The following MED14 variants were observed in gnomAD, a reference collection of about 807,000 sequenced individuals.
MED14 encodes the protein mediator of RNA polymerase II transcription subunit 14.
A neutral mutation model predicts 109.0 loss-of-function variants in MED14; 8 were observed. The ratio of observed to expected loss-of-function variants is 0.07; its 90% CI spans 0.04 to 0.13. The LOEUF is 0.13. MED14 is among the 10% of genes least tolerant of loss of function. The pLI is 1.00. For missense variants in MED14, 711 were observed against 1,142.4 expected (o/e 0.62, Z 5.44); for synonymous variants, 399 against 408.7 (o/e 0.98, Z 0.29).
chrX:40,701,622 A>C (rs921531732), intron 11 of MED14, among the ~76,000 whole-genome samples: 1 of 111,804 alleles, frequency 8.9e-6, no homozygotes. Context: ...GAACCTTAAA[A>C]ATCATAAAAA....
At chrX:40,701,673 G>C (rs1930941993) in intron 11 of MED14, among the ~76,000 whole-genome samples, 1 of 111,570 alleles carries the variant, frequency 9.0e-6, no homozygotes. Flanking sequence ...AAACACAAAT[G>C]ATCTCTGGCA....
intron 26 of MED14, among the ~76,000 whole-genome samples, chrX:40,662,603 T>C (rs1421938278): frequency 1.8e-5 from 2 of 111,948 alleles, no homozygotes. Flanking sequence ...ATTACTGGTA[T>C]GCTATTCTCT....
At chrX:40,725,155 A>G (rs765630413) in intron 3 of MED14, among the ~76,000 whole-genome samples, 22 of 111,845 alleles carry the variant, frequency 2.0e-4, no homozygotes, top group African/African-American at 6.8e-4. Flanking sequence ...AGTAACAAGA[A>G]TGGAGCTATA....
In MED14 at chrX:40,735,516, G is replaced by A. The variant is rs976708358; in HGVS notation, c.-104C>T. On this transcript the variant is annotated 5_prime_UTR_variant, in exon 1 of 31. Coordinates refer to ENST00000324817, the MANE Select transcript of MED14 (RefSeq NM_004229.4). ...AACGGGAGCGGGCAGAGTCGCCACC[G>A]CCTACCGCCGGGCCGCCTCAGAACA... 3 of 782,504 alleles carry A rather than the reference G, an allele frequency of 3.8e-6. No individual in the cohort carries two copies. In the African/African-American group the frequency reaches 6.2e-5, roughly 16 times the overall value. 64.5% of individuals were successfully genotyped at this position (782,504 alleles called of 1,213,427 possible).
At chrX:40,667,984 G>A (rs1929567383) in intron 23 of MED14, among the ~76,000 whole-genome samples, 2 of 111,835 alleles carry the variant, frequency 1.8e-5, no homozygotes, top group South Asian at 7.5e-4. Context: ...GTGGGAAGAG[G>A]AGCACTGGGG....
chrX:40,693,983 C>T (rs1331292869), intron 13 of MED14, among the ~76,000 whole-genome samples: 1 of 110,973 alleles, frequency 9.0e-6, no homozygotes, highest in Non-Finnish European at 1.9e-5. Context: ...CTGCAACCTC[C>T]GCCTCCCAGG....
At chrX:40,711,355 C>A in intron 7 of MED14, 54 bp from the exon 8 acceptor site, 1 of 976,179 alleles carries the variant, frequency 1.0e-6, no homozygotes, top group South Asian at 2.9e-5. Flanking sequence ...TCAATCAAGT[C>A]CAGGAGAACT....
chrX:40,732,518 CA>C (rs367874034), intron 1 of MED14, among the ~76,000 whole-genome samples: 88 of 91,713 alleles, frequency 9.6e-4, no homozygotes, highest in East Asian at 2.0e-3. Context: ...GACTCTGTCT[CA>C]AAAAAAAAAA....
In MED14 at chrX:40,713,783, G is replaced by A. The variant is rs777780201; in HGVS notation, c.647C>T (p.Thr216Ile). 4.1e-6 allele frequency: 5 copies of A among 1,210,613 alleles called. No individual in the cohort carries two copies. Among genetic ancestry groups the A allele is most frequent in the Non-Finnish European group, 4.5e-6 (4 of 894,888 alleles). The change falls in exon 5 of 31, where the codon ACA becomes ATA. Residue 216 changes from threonine to isoleucine, a missense_variant. Thr to Ile is a moderately conservative substitution (Grantham distance 89). Coordinates refer to ENST00000324817, the MANE Select transcript of MED14 (RefSeq NM_004229.4). ...AATAAATTTCAGATACATACCAACT[G>A]TAAGATTTGCTAACTGAGGAGGAAG... is the stretch of plus-strand genomic sequence containing the variant. The part of the protein sequence containing the change: ...TDLPPQLANL[T>I]VANGRVKFRV...
chrX:40,698,535 A>G (rs1001775118), intron 12 of MED14, among the ~76,000 whole-genome samples: 1 of 112,438 alleles, frequency 8.9e-6, no homozygotes, highest in Non-Finnish European at 1.9e-5. Context: ...TTACTGAAGT[A>G]TAACTTTATC....
At chrX:40,729,550 C>A in intron 1 of MED14, 1 of 407,141 alleles carries the variant, frequency 2.5e-6, no homozygotes, top group South Asian at 4.2e-5. Flanking sequence ...AACAAAAGAA[C>A]ATTTTTCTCC....
intron 1 of MED14, among the ~76,000 whole-genome samples, chrX:40,733,537 A>G (rs1932154344): frequency 8.9e-6 from 1 of 112,261 alleles, no homozygotes. Context: ...CAGAGATACC[A>G]GTGAACTGAC....
rs113600181 is a variant in MED14, at chrX:40,728,910, T to C, written c.242+409A>G. ...TCGGCTCACTGCAACTTCCACCTCC[T>C]GGGTTCAAACAATTATTCTGCCTCA... On this transcript the variant is annotated intron_variant, in intron 2 of 30. Coordinates refer to ENST00000324817, the MANE Select transcript of MED14 (RefSeq NM_004229.4). Among the ~76,000 whole-genome samples the C allele has an allele frequency of 6.3e-3, 703 of 110,734 alleles. 5 individuals carry two copies. Among genetic ancestry groups the C allele is most frequent in the African/African-American group, 0.022 (675 of 30,325 alleles).
At chrX:40,665,809 G>T (rs1346696032) in intron 24 of MED14, among the ~76,000 whole-genome samples, 1 of 111,736 alleles carries the variant, frequency 8.9e-6, no homozygotes, top group African/African-American at 3.3e-5. Context: ...TCCACTTCTG[G>T]AACTTACTTA....
chrX:40,672,678 T>C (rs1247116418), intron 22 of MED14, among the ~76,000 whole-genome samples: 1 of 111,971 alleles, frequency 8.9e-6, no homozygotes, highest in African/African-American at 3.2e-5. Context: ...GAATACCTTT[T>C]CGGTGCTTAT....
At chrX:40,685,902 CTCATAT>C (rs1395945125) in intron 16 of MED14, among the ~76,000 whole-genome samples, 1 of 112,150 alleles carries the variant, frequency 8.9e-6, no homozygotes, top group African/African-American at 3.2e-5. Context: ...GAAGTATCAA[CTCATAT>C]TCATATTCAA....
intron 12 of MED14, among the ~76,000 whole-genome samples, chrX:40,698,200 AT>A (rs1930790469): frequency 8.9e-6 from 1 of 112,366 alleles, no homozygotes; most frequent in Admixed American, 9.4e-5. Flanking sequence ...TGTGAGAATG[AT>A]TTCTCTAGTA....
At chrX:40,705,480 A>G (rs1269371643) in intron 10 of MED14, among the ~76,000 whole-genome samples, 1 of 112,100 alleles carries the variant, frequency 8.9e-6, no homozygotes, top group East Asian at 2.8e-4. Flanking sequence ...TTGACTACCA[A>G]TGTCCATATT....
intron 22 of MED14, among the ~76,000 whole-genome samples, chrX:40,672,310 C>T (rs999667015): frequency 8.9e-6 from 1 of 111,768 alleles, no homozygotes; most frequent in Non-Finnish European, 1.9e-5. Flanking sequence ...AGACATTTTC[C>T]CCCCACACTT....
Sources: gnomAD v4.1 joint callset for allele counts (sites outside exome capture counted in the v4.1 genomes callset) on GRCh38, gnomAD v4.1.1 for gene constraint, MANE v1.5 for transcripts, NCBI Gene and HGNC (gene_info 2026-07-23, HGNC 2026-07-21) for gene names.